The following ARHGEF6 variants were observed in gnomAD, a reference collection of about 807,000 sequenced individuals.
ARHGEF6 encodes the protein Rac/Cdc42 guanine nucleotide exchange factor 6.
In ARHGEF6, 9 loss-of-function variants were observed where a neutral mutation model predicts 70.3. The ratio of observed to expected loss-of-function variants is 0.13; its 90% CI spans 0.08 to 0.22. ARHGEF6 has a LOEUF of 0.22. Among genes scored for constraint, ARHGEF6 ranks in the 10% least tolerant of loss-of-function variants. The probability of loss-of-function intolerance (pLI) is 1.00; values close to 1 mark genes in which losing one functional copy is unlikely to be tolerated. For synonymous variants in ARHGEF6, 201 were observed against 207.8 expected (o/e 0.97, Z 0.28); for missense variants, 470 against 563.0 (o/e 0.83, Z 1.67).
intron 2 of ARHGEF6, among the ~76,000 whole-genome samples, chrX:136,761,241 G>C (rs1009873242): frequency 4.5e-5 from 5 of 111,947 alleles, no homozygotes. Flanking sequence ...TAAGCATTGA[G>C]AACAACAGCA....
intron 9 of ARHGEF6, among the ~76,000 whole-genome samples, chrX:136,703,163 A>G (rs2076592872): frequency 8.9e-6 from 1 of 112,359 alleles, no homozygotes; most frequent in South Asian, 3.7e-4. Flanking sequence ...CATGACCTGG[A>G]TTAGGCAATA....
chrX:136,675,311 C>T (rs759430840), intron 18 of ARHGEF6, among the ~76,000 whole-genome samples: 1 of 96,565 alleles, frequency 1.0e-5, no homozygotes, highest in African/African-American at 3.8e-5. Flanking sequence ...TAGTGGAGGG[C>T]CTACTCCTGA....
intron 20 of ARHGEF6, among the ~76,000 whole-genome samples, chrX:136,671,586 G>A (rs1414370760): frequency 8.9e-6 from 1 of 112,097 alleles, no homozygotes; most frequent in African/African-American, 3.2e-5. Context: ...TTATCTAACC[G>A]GATTGCTGTA....
intron 6 of ARHGEF6, among the ~76,000 whole-genome samples, chrX:136,714,521 G>A (rs1006777277): frequency 3.6e-5 from 4 of 112,133 alleles, no homozygotes; most frequent in African/African-American, 6.5e-5. Flanking sequence ...GCCAACTGCC[G>A]TGCTGCCCAC....
At chrX:136,748,098 A>C (rs914656124) in intron 2 of ARHGEF6, among the ~76,000 whole-genome samples, 1 of 111,608 alleles carries the variant, frequency 9.0e-6, no homozygotes, top group Non-Finnish European at 1.9e-5. Context: ...CCTTCCTCCC[A>C]ACTGCCACCC....
intron 2 of ARHGEF6, among the ~76,000 whole-genome samples, chrX:136,748,816 G>A (rs143091391): frequency 0.012 from 1,391 of 111,663 alleles, 22 homozygotes; most frequent in African/African-American, 0.043. Flanking sequence ...ATATTTTCTG[G>A]GAACCATATC....
intron 6 of ARHGEF6, among the ~76,000 whole-genome samples, chrX:136,722,680 G>A (rs1434485945): frequency 8.9e-6 from 1 of 112,248 alleles, no homozygotes; most frequent in African/African-American, 3.2e-5. Flanking sequence ...TGAGGATGTA[G>A]AGAAACTGAA....
At chrX:136,712,915 A>G (rs1439207375) in intron 7 of ARHGEF6, among the ~76,000 whole-genome samples, 1 of 112,001 alleles carries the variant, frequency 8.9e-6, no homozygotes, top group Admixed American at 9.5e-5. Flanking sequence ...CAAAGGTCAG[A>G]GTGAGCATGA....
Position 136,668,055 on chromosome X carries a change from T to C in ARHGEF6, c.2305A>G (p.Ser769Gly). Residue 769 changes from serine to glycine, a missense_variant, in exon 22 of 22, where the codon AGT (serine) becomes GGT (glycine). Transcript: ENST00000250617. ...TATGGAAGAATTGAGGTCTTGCTAC[T>C]GGACTCGCCTCGAATACACTCATCT... ...QTDECIRGES[S>G]SKTSILP is the part of the protein sequence containing the mutation. The C allele has an allele frequency of 8.2e-7, 1 of 1,212,167 alleles. No homozygotes were observed. Among genetic ancestry groups the C allele is most frequent in the African/African-American group, 1.7e-5 (1 of 57,900 alleles).
chrX:136,774,392 T>C (rs1273099247), intron 2 of ARHGEF6, among the ~76,000 whole-genome samples: 1 of 110,686 alleles, frequency 9.0e-6, no homozygotes, highest in Non-Finnish European at 1.9e-5. Flanking sequence ...GGCTCATGCC[T>C]GTAATCCCAG....
intron 7 of ARHGEF6, among the ~76,000 whole-genome samples, chrX:136,712,744 A>G (rs1031890377): frequency 3.6e-5 from 4 of 112,618 alleles, no homozygotes; most frequent in African/African-American, 6.4e-5. Context: ...CTAAGACCAG[A>G]GTAAGGTTTG....
intron 6 of ARHGEF6, among the ~76,000 whole-genome samples, chrX:136,720,696 G>C (rs2076787433): frequency 9.0e-6 from 1 of 111,225 alleles, no homozygotes; most frequent in Non-Finnish European, 1.9e-5. Flanking sequence ...ATACACATTG[G>C]GAAGGAAGAA....
At chrX:136,730,683 G>C (rs1306797996) in intron 6 of ARHGEF6, among the ~76,000 whole-genome samples, 1 of 111,956 alleles carries the variant, frequency 8.9e-6, no homozygotes, top group Non-Finnish European at 1.9e-5. Context: ...ATATATATAA[G>C]CTATTCAATG....
intron 16 of ARHGEF6, among the ~76,000 whole-genome samples, chrX:136,679,216 G>C (rs2076309009): frequency 8.9e-6 from 1 of 112,176 alleles, no homozygotes; most frequent in Non-Finnish European, 1.9e-5. Context: ...AGTGGCTCTT[G>C]TTTGAGATTT....
intron 2 of ARHGEF6, 90 bp from the exon 3 acceptor site, chrX:136,747,682 CGGAAAAAAA>C: frequency 5.2e-6 from 1 of 191,750 alleles, no homozygotes; most frequent in Non-Finnish European, 8.8e-6. Flanking sequence ...TCCAGCTCTC[CGGAAAAAAA>C]AAAAAAAAAA....
intron 17 of ARHGEF6, 46 bp downstream of exon 17, chrX:136,677,890 A>G: frequency 9.2e-7 from 1 of 1,092,047 alleles, no homozygotes; most frequent in South Asian, 1.9e-5. Flanking sequence ...GTTACAGTAC[A>G]GCATTATGAT....
At position 136,745,839 on chromosome X, in the gene ARHGEF6, G is replaced by C. The variant is rs762028261; in HGVS notation, c.335-492C>G. ...GTGTGTGGGGCAGGGTGGAGAATGA[G>C]AGTGAAAGAGAAGATGTGTTTGGGA... On this transcript the variant is annotated intron_variant, in intron 3 of 21. Transcript: ENST00000250617. Among the ~76,000 whole-genome samples the C allele has an allele frequency of 5.4e-4, 61 of 111,971 alleles. 1 individual carries two copies. Among genetic ancestry groups the C allele is most frequent in the Admixed American group, 3.4e-3 (36 of 10,530 alleles).
At position 136,748,583 on chromosome X, in the gene ARHGEF6, A is replaced by T. The variant is rs950666285; in HGVS notation, c.250-991T>A. ...ATGTAAGTATGCATATCTGAAGGTA[A>T]CCAGATGCCCACCTTCTGGATGGAA... On this transcript the variant is annotated intron_variant, in intron 2 of 21. Coordinates refer to ENST00000250617, the MANE Select transcript of ARHGEF6 (RefSeq NM_004840.3). 1.3e-3 allele frequency among the ~76,000 whole-genome samples: 141 copies of T among 112,335 alleles called. 1 individual carries two copies. The highest frequency in any genetic ancestry group is 2.1e-4 in the Non-Finnish European group (11 of 53,241).
rs914147603 is a variant in ARHGEF6 at position 136,739,234 on chromosome X, C to A, written c.661+4351G>T. 3.6e-5 allele frequency among the ~76,000 whole-genome samples: 4 copies of A among 112,049 alleles called. 1 individual carries two copies. The highest frequency in any genetic ancestry group is 9.5e-5 in the Admixed American group (1 of 10,570). On this transcript the variant is annotated intron_variant, in intron 5 of 21. Coordinates refer to ENST00000250617, the MANE Select transcript of ARHGEF6 (RefSeq NM_004840.3). ...CCAGTCAGAAGCTTCTTCTATCCTT[C>A]AAGACCCAATTCAAGTGCTTCCCCA...
Sources: allele counts gnomAD v4.1 joint callset (sites outside exome capture counted in the v4.1 genomes callset), GRCh38; gene constraint gnomAD v4.1.1; transcripts MANE v1.5; gene names NCBI Gene and HGNC (gene_info 2026-07-23, HGNC 2026-07-21).